Variants in IQCH observed in about 807,000 individuals in gnomAD.
The protein encoded by IQCH is IQ domain-containing protein H.
A neutral mutation model predicts 117.0 loss-of-function variants in IQCH; 98 were observed. The ratio of observed to expected loss-of-function variants is 0.84; its 90% CI spans 0.71 to 0.99. The LOEUF is 0.99. IQCH is among the 50% of genes least tolerant of loss of function. The probability of loss-of-function intolerance (pLI) is 0.00; values close to 1 mark genes in which losing one functional copy is unlikely to be tolerated. For missense variants in IQCH, 1,102 were observed against 1,243.8 expected (o/e 0.89, Z 1.72); for synonymous variants, 412 against 448.2 (o/e 0.92, Z 1.02).
rs757690644 is a variant in IQCH, at chr15:67,424,451, ACTAT to A, written c.2505+2877_2505+2880del. ...TTACAAATTTAAACTTATTTACATG[ACTAT>A]CTGATTAATATTTTTCTCCTCCTAT... On this transcript the variant is annotated intron_variant, in intron 16 of 20. Transcript: ENST00000335894. The surrounding 1 kb of genome is among the most constrained non-coding windows in gnomAD (Gnocchi z 4.9). Among the ~76,000 whole-genome samples the A allele has an allele frequency of 6.6e-6, 1 of 152,160 alleles. No individual in the cohort carries two copies. Among genetic ancestry groups the A allele is most frequent in the African/African-American group, 2.4e-5 (1 of 41,440 alleles).
Position 67,408,977 on chromosome 15 carries a change from A to C in IQCH, c.2098-7954A>C, listed in dbSNP as rs975076036. ...TCCTTAAAACCATTTTCCAATGTTA[A>C]AAACGTTTCTAAAACACCAGTCACT... On this transcript the variant is annotated intron_variant, in intron 14 of 20. Coordinates refer to ENST00000335894, the MANE Select transcript of IQCH (RefSeq NM_001031715.3). The surrounding 1 kb of genome is among the most constrained non-coding windows in gnomAD (Gnocchi z 4.2). Among the ~76,000 whole-genome samples, 10 of 152,218 alleles carry C rather than the reference A, an allele frequency of 6.6e-5. No individual in the cohort carries two copies. Among genetic ancestry groups the C allele is most frequent in the Admixed American group, 6.5e-4 (10 of 15,284 alleles).
chr15:67,338,758 CTG>C (rs1862590951), intron 5 of IQCH, among the ~76,000 whole-genome samples: 1 of 152,252 alleles, frequency 6.6e-6, no homozygotes, highest in Admixed American at 6.5e-5. Flanking sequence ...CAGTTTGGCT[CTG>C]TGACTTGAGG....
intron 4 of IQCH, among the ~76,000 whole-genome samples, chr15:67,292,573 A>G (rs927752601): frequency 6.6e-6 from 1 of 152,156 alleles, no homozygotes; most frequent in Non-Finnish European, 1.5e-5. Flanking sequence ...GCCCAAAAAG[A>G]CTAAAACAGT....
chr15:67,491,830 C>T lies in IQCH; in HGVS notation c.2861+1766C>T, dbSNP rs1277522807. On this transcript the variant is annotated intron_variant, in intron 19 of 20. Transcript: ENST00000335894. This position sits in a 1 kb window ranked among gnomAD's most constrained non-coding sequence, Gnocchi z 4.9. ...CCTTCCTTACCAGAAAATTTGAAAG[C>T]ATTTTATCAACTGTGCCAGGCACAG... Among the ~76,000 whole-genome samples, 1 of 151,952 alleles carries T rather than the reference C, an allele frequency of 6.6e-6. No individual in the cohort carries two copies. The highest frequency in any genetic ancestry group is 1.9e-4 in the East Asian group (1 of 5,170).
chr15:67,289,333 A>G (rs891441761), intron 4 of IQCH, among the ~76,000 whole-genome samples: 31 of 152,192 alleles, frequency 2.0e-4, no homozygotes, highest in African/African-American at 7.0e-4. Context: ...TCATCAACCA[A>G]TTTGTGGTAA....
chr15:67,264,843 T>C (rs1965603782), intron 3 of IQCH, among the ~76,000 whole-genome samples: 1 of 151,856 alleles, frequency 6.6e-6, no homozygotes, highest in Admixed American at 6.6e-5. Flanking sequence ...ACTCGCTCTC[T>C]CTCTCTCTCC....
In IQCH at chr15:67,364,612, T is replaced by C. The variant is rs1011636681; in HGVS notation, c.753+4727T>C. 6.6e-6 allele frequency among the ~76,000 whole-genome samples: 1 copy of C among 152,208 alleles called. No individual in the cohort carries two copies. The highest frequency in any genetic ancestry group is 2.4e-5 in the African/African-American group (1 of 41,460). The stretch of plus-strand genomic sequence containing the variant: ...ATAATCTGTATTTTTTCACTTTATC[T>C]CTTTCATTGATCAATTGTGACCTGA... On this transcript the variant is annotated intron_variant, in intron 8 of 20. Transcript: ENST00000335894. This position sits in a 1 kb window ranked among gnomAD's most constrained non-coding sequence, Gnocchi z 4.1.
At chr15:67,352,989 T>TGTTTACTAAAAAC (rs1969730583) in intron 6 of IQCH, among the ~76,000 whole-genome samples, 1 of 151,606 alleles carries the variant, frequency 6.6e-6, no homozygotes, top group African/African-American at 2.4e-5. Flanking sequence ...TTACTAAAAA[T>TGTTTACTAAAAAC]ACAAAAATTA....
At chr15:67,329,845 CAT>C (rs1160476860) in intron 4 of IQCH, among the ~76,000 whole-genome samples, 3 of 149,986 alleles carry the variant, frequency 2.0e-5, no homozygotes, top group African/African-American at 4.9e-5. Context: ...CACACACACA[CAT>C]ATACACATAT....
chr15:67,257,815 A>G (rs1965285354), intron 1 of IQCH, among the ~76,000 whole-genome samples: 1 of 152,260 alleles, frequency 6.6e-6, no homozygotes, highest in Non-Finnish European at 1.5e-5. Context: ...TTGTGTGTTA[A>G]CACAAAAATC....
intron 16 of IQCH, among the ~76,000 whole-genome samples, chr15:67,421,859 GA>G (rs1242007329): frequency 6.6e-6 from 1 of 152,224 alleles, no homozygotes; most frequent in Non-Finnish European, 1.5e-5. Flanking sequence ...AGCACTTTGG[GA>G]GGCCGAGGTG....
At chr15:67,332,169 A>G (rs1233074733) in intron 4 of IQCH, among the ~76,000 whole-genome samples, 2 of 152,230 alleles carry the variant, frequency 1.3e-5, no homozygotes, top group African/African-American at 4.8e-5. Flanking sequence ...AAGTCAAGGA[A>G]GAACTGAGTC....
At chr15:67,338,007 C>A (rs937165280) in intron 5 of IQCH, among the ~76,000 whole-genome samples, 5 of 152,168 alleles carry the variant, frequency 3.3e-5, no homozygotes, top group African/African-American at 1.2e-4. Context: ...TCACAACTTT[C>A]CTGGTTATAA....
intron 16 of IQCH, among the ~76,000 whole-genome samples, chr15:67,460,394 G>T (rs2082762252): frequency 6.6e-6 from 1 of 152,162 alleles, no homozygotes; most frequent in Non-Finnish European, 1.5e-5. Context: ...CATGTTGCTT[G>T]TGTAACTTTC....
chr15:67,326,040 G>T (rs1455362226), intron 4 of IQCH, among the ~76,000 whole-genome samples: 1 of 152,074 alleles, frequency 6.6e-6, no homozygotes, highest in Non-Finnish European at 1.5e-5. Flanking sequence ...ATGTGTGTGC[G>T]TGTGCCATGT....
intron 17 of IQCH, among the ~76,000 whole-genome samples, chr15:67,471,800 T>A (rs893300509): frequency 6.6e-6 from 1 of 152,236 alleles, no homozygotes; most frequent in Non-Finnish European, 1.5e-5. Flanking sequence ...AGGCTGGACA[T>A]AAGACAATCC....
In IQCH at chr15:67,334,742, A is replaced by G. The variant is rs978041107; in HGVS notation, c.388-2233A>G. 5.3e-5 allele frequency among the ~76,000 whole-genome samples: 8 copies of G among 152,324 alleles called. No homozygotes were observed. The Middle Eastern group carries it at 0.01, about 194-fold the overall frequency. ...ATTCTAATATACAGCCAGGGCTGAGAGTCGCTGCAAAGCCTTCTGCAATAC... is the reference window on the plus strand; with the variant it reads ...ATTCTAATATACAGCCAGGGCTGAGGGTCGCTGCAAAGCCTTCTGCAATAC... On this transcript the variant is annotated intron_variant, in intron 4 of 20. Coordinates refer to ENST00000335894, the MANE Select transcript of IQCH (RefSeq NM_001031715.3).
Position 67,391,981 on chromosome 15 carries a change from C to G in IQCH, c.1632+2975C>G, listed in dbSNP as rs1309173034. On this transcript the variant is annotated intron_variant, in intron 12 of 20. Transcript: ENST00000335894. The surrounding 1 kb of genome is among the most constrained non-coding windows in gnomAD (Gnocchi z 4.3). The stretch of plus-strand genomic sequence containing the variant: ...CTGCATCTGCCATCCCCCTTCACAT[C>G]TCAAAAACCCACCAGATCTTTACTA... Among the ~76,000 whole-genome samples the G allele has an allele frequency of 6.6e-6, 1 of 152,180 alleles. No homozygotes were observed. The highest frequency in any genetic ancestry group is 2.4e-5 in the African/African-American group (1 of 41,440).
intron 6 of IQCH, among the ~76,000 whole-genome samples, chr15:67,346,266 TAATA>T: frequency 6.6e-6 from 1 of 151,896 alleles, no homozygotes; most frequent in Non-Finnish European, 1.5e-5. Flanking sequence ...AAAACAGAAA[TAATA>T]AATCCAGAAT....
Sources: allele counts gnomAD v4.1 joint callset (sites outside exome capture counted in the v4.1 genomes callset), GRCh38; gene constraint gnomAD v4.1.1; non-coding constraint Gnocchi (gnomAD v3.1); transcripts MANE v1.5; gene names NCBI Gene and HGNC (gene_info 2026-07-23, HGNC 2026-07-21).